Variants in CHD6 observed in about 807,000 individuals in gnomAD.
CHD6 encodes the protein chromodomain helicase DNA binding protein 6.
CHD6 carries 50 observed loss-of-function variants against 276.9 expected under a neutral mutation model. The observed-to-expected ratio is 0.18, with a 90% CI of 0.14 to 0.23. The LOEUF is 0.23. Among genes scored for constraint, CHD6 ranks in the 10% least tolerant of loss-of-function variants. The pLI is 1.00. For missense variants in CHD6, 2,564 were observed against 3,365.8 expected, an observed-to-expected ratio of 0.76 and a Z score of 5.89; for synonymous variants, 1,173 against 1,229.3, an observed-to-expected ratio of 0.95 and a Z score of 0.96.
In CHD6 at chr20:41,403,606, T is replaced by C. The variant is rs1347849331; in HGVS notation, c.*987A>G. ...AGACACTCTTGATCAAAGGACCTAC[T>C]AGCAAGTGTCAAAGTGTTGGGCAAC... On this transcript the variant is annotated 3_prime_UTR_variant, in exon 37 of 37. Transcript: ENST00000373233. The C allele has an allele frequency of 9.4e-7, 1 of 1,062,342 alleles. No homozygotes were observed. The highest frequency in any genetic ancestry group is 1.1e-6 in the Non-Finnish European group (1 of 877,524). 65.8% of individuals were successfully genotyped at this position (1,062,342 alleles called of 1,614,324 possible).
chr20:41,563,463 A>G (rs1245816170), intron 1 of CHD6, among the ~76,000 whole-genome samples: 1 of 152,210 alleles, frequency 6.6e-6, no homozygotes, highest in Non-Finnish European at 1.5e-5. Flanking sequence ...ACAATGCCAC[A>G]TTCGCACAAT....
At chr20:41,516,620 T>C (rs1400557728) in intron 3 of CHD6, among the ~76,000 whole-genome samples, 1 of 152,092 alleles carries the variant, frequency 6.6e-6, no homozygotes, top group Non-Finnish European at 1.5e-5. Context: ...ATAGCATTCT[T>C]GGGGAATAGA....
chr20:41,599,029 A>C (rs1466961345), intron 1 of CHD6, among the ~76,000 whole-genome samples: 1 of 152,246 alleles, frequency 6.6e-6, no homozygotes, highest in East Asian at 1.9e-4. Context: ...TTTAAAGCCC[A>C]AAATCAAATA....
intron 25 of CHD6, 130 bp from the exon 26 acceptor site, chr20:41,440,259 T>A: frequency 1.2e-6 from 1 of 833,412 alleles, no homozygotes; most frequent in African/African-American, 1.7e-5. Context: ...TATTTAAGAT[T>A]AATGAGATCC....
chr20:41,549,387 A>G (rs185479242), intron 2 of CHD6, among the ~76,000 whole-genome samples: 4,222 of 148,076 alleles, frequency 0.029, 65 homozygotes, highest in Middle Eastern at 0.068. Flanking sequence ...GCAAACTATC[A>G]CAAGGACAAA....
intron 17 of CHD6, among the ~76,000 whole-genome samples, chr20:41,464,208 T>A (rs141992426): frequency 2.6e-5 from 4 of 152,244 alleles, no homozygotes; most frequent in Non-Finnish European, 4.4e-5. Context: ...ATTCACTTGA[T>A]ACACAGCTAG....
chr20:41,557,389 G>C (rs2045251816), intron 1 of CHD6, among the ~76,000 whole-genome samples: 1 of 151,588 alleles, frequency 6.6e-6, no homozygotes, highest in African/African-American at 2.4e-5. Flanking sequence ...GTTTCAATAA[G>C]AACATTTTGA....
At position 41,473,035 on chromosome 20, in the gene CHD6, T is replaced by C. The variant is rs1252804946; in HGVS notation, c.2664+287A>G. Reference sequence around the variant, plus strand: ...ATTAGAGCATTAGTCAAGATTAGTATCTTTATTTCTGATAATAATAATAAT... The same window carrying C: ...ATTAGAGCATTAGTCAAGATTAGTACCTTTATTTCTGATAATAATAATAAT... On this transcript the variant is annotated intron_variant, in intron 17 of 36. Transcript: ENST00000373233. The surrounding 1 kb of genome is among the most constrained non-coding windows in gnomAD (Gnocchi z 4.1). 1.6e-5 allele frequency: 5 copies of C among 308,068 alleles called. No homozygotes were observed. The East Asian group carries it at 2.2e-4, about 14-fold the overall frequency. 19.1% of individuals were successfully genotyped at this position (308,068 alleles called of 1,614,324 possible).
At chr20:41,592,036 T>C (rs921268055) in intron 1 of CHD6, among the ~76,000 whole-genome samples, 3 of 152,024 alleles carry the variant, frequency 2.0e-5, no homozygotes, top group Non-Finnish European at 4.4e-5. Flanking sequence ...GAGGCAGAGC[T>C]TGTAGTGAGC....
chr20:41,549,793 G>T (rs937750134), intron 2 of CHD6, among the ~76,000 whole-genome samples: 1 of 152,012 alleles, frequency 6.6e-6, no homozygotes, highest in Non-Finnish European at 1.5e-5. Context: ...TGAGGGTCTG[G>T]GGTTCTCTTC....
In CHD6 at chr20:41,484,420, T is replaced by C; in HGVS notation, c.2189A>G (p.Asn730Ser). 6.2e-7 allele frequency: 1 copy of C among 1,613,890 alleles called. No homozygotes were observed. The highest frequency in any genetic ancestry group is 8.5e-7 in the Non-Finnish European group (1 of 1,179,828). The change falls in exon 15 of 37, where the codon AAC becomes AGC. Residue 730 changes from asparagine to serine, a missense_variant. Physicochemically the swap from Asn to Ser is conservative, Grantham distance 46. Transcript: ENST00000373233. ...SFLTKGANQHNMPNLINTMME... is the reference protein window; with the variant it reads ...SFLTKGANQHSMPNLINTMME... ...CATGGTGTTGATGAGATTGGGCATGTTGTGCTGATTTGCCCCCTTGGTCAG... is the reference window on the plus strand; with the variant it reads ...CATGGTGTTGATGAGATTGGGCATGCTGTGCTGATTTGCCCCCTTGGTCAG...
intron 36 of CHD6, among the ~76,000 whole-genome samples, chr20:41,408,197 T>C (rs954722559): frequency 1.3e-5 from 2 of 151,244 alleles, no homozygotes; most frequent in Admixed American, 6.6e-5. Flanking sequence ...AACTGTTATA[T>C]TTAGTCCCCT....
intron 12 of CHD6, 113 bp downstream of exon 12, chr20:41,489,665 G>A: frequency 7.3e-7 from 1 of 1,367,190 alleles, no homozygotes; most frequent in Non-Finnish European, 1.0e-6. Flanking sequence ...ATATTACAAA[G>A]TCATTCCACA....
chr20:41,437,346 T>TA lies in CHD6; in HGVS notation c.4008-13dup, dbSNP rs773396085. 3.7e-6 allele frequency: 6 copies of TA among 1,604,300 alleles called. No individual in the cohort carries two copies. The highest frequency in any genetic ancestry group is 1.3e-5 in the African/African-American group (1 of 74,570). ...TATCTGTGTTGCCTCTAAATAAAAGTAAAAAAAGGCATCACATACTACCTA... is the reference window on the plus strand; with the variant it reads ...TATCTGTGTTGCCTCTAAATAAAAGTAAAAAAAAGGCATCACATACTACCTA... On this transcript the variant is annotated splice_polypyrimidine_tract_variant and intron_variant, in intron 26 of 36. Coordinates refer to ENST00000373233, the MANE Select transcript of CHD6 (RefSeq NM_032221.5).
At chr20:41,493,480 C>A in intron 10 of CHD6, 58 bp downstream of exon 10, 2 of 1,559,430 alleles carry the variant, frequency 1.3e-6, no homozygotes, top group Non-Finnish European at 8.7e-7. Context: ...TCCATGATTG[C>A]AAAGTTCATA....
At chr20:41,456,679 T>C (rs1056908346) in intron 18 of CHD6, among the ~76,000 whole-genome samples, 2 of 152,358 alleles carry the variant, frequency 1.3e-5, no homozygotes, top group African/African-American at 4.8e-5. Context: ...TTTGATGCCC[T>C]GAGCCCAGAG....
Position 41,447,919 on chromosome 20 carries a change from C to G in CHD6, c.3736G>C (p.Glu1246Gln). Reference sequence around the variant, plus strand: ...CCTTCAAATGCTTTCTCAGCTGCTTCTCCCAGTATTTCAGCTTTTAGGTAG... The same window carrying G: ...CCTTCAAATGCTTTCTCAGCTGCTTGTCCCAGTATTTCAGCTTTTAGGTAG... ...LYYLKAEILG[E>Q]AAEKAFEGSP... is the part of the protein sequence containing the mutation. Residue 1246 changes from glutamate to glutamine, a missense_variant, in exon 24 of 37, where the codon GAA (glutamate) becomes CAA (glutamine). Glu to Gln is a conservative substitution (Grantham distance 29). Coordinates refer to ENST00000373233, the MANE Select transcript of CHD6 (RefSeq NM_032221.5). The G allele has an allele frequency of 6.2e-7, 1 of 1,612,222 alleles. No individual in the cohort carries two copies. Among genetic ancestry groups the G allele is most frequent in the Non-Finnish European group, 8.5e-7 (1 of 1,179,084 alleles).
chr20:41,579,684 A>C (rs1341612369), intron 1 of CHD6, among the ~76,000 whole-genome samples: 7 of 152,226 alleles, frequency 4.6e-5, no homozygotes, highest in Non-Finnish European at 1.0e-4. Flanking sequence ...AAGCAATGAA[A>C]ATCTATTATC....
At chr20:41,537,567 A>G (rs1568687160) in intron 2 of CHD6, among the ~76,000 whole-genome samples, 1 of 152,210 alleles carries the variant, frequency 6.6e-6, no homozygotes, top group Non-Finnish European at 1.5e-5. Context: ...AATCCCCAGA[A>G]TAGGAGAAAA....
Sources: gnomAD v4.1 joint callset for allele counts (sites outside exome capture counted in the v4.1 genomes callset) on GRCh38, gnomAD v4.1.1 for gene constraint, Gnocchi (gnomAD v3.1) non-coding constraint, MANE v1.5 for transcripts, NCBI Gene and HGNC (gene_info 2026-07-23, HGNC 2026-07-21) for gene names.